The following ADARB2 variants were observed in gnomAD, a reference collection of about 807,000 sequenced individuals.
ADARB2 encodes inactive double-stranded RNA-specific editase B2.
In ADARB2, 25 loss-of-function variants were observed where a neutral mutation model predicts 62.2. The observed-to-expected ratio is 0.40, with a 90% CI of 0.29 to 0.56. ADARB2 has a LOEUF of 0.56. Ranked by LOEUF, ADARB2 falls within the 20% of genes least tolerant of loss-of-function variation. The pLI is 0.43. For missense variants in ADARB2, 1,071 were observed against 1,077.4 expected, an observed-to-expected ratio of 0.99 and a Z score of 0.08; for synonymous variants, 572 against 500.8, an observed-to-expected ratio of 1.14 and a Z score of -1.90.
intron 4 of ADARB2, among the ~76,000 whole-genome samples, chr10:1,267,776 C>G (rs1243817497): frequency 6.6e-6 from 1 of 152,212 alleles, no homozygotes; most frequent in East Asian, 1.9e-4. Flanking sequence ...GCCAGGCAGC[C>G]AGGCTCCCTT....
At position 1,233,810 on chromosome 10, in the gene ADARB2, A is replaced by G. The variant is rs199540152; in HGVS notation, c.1397T>C (p.Val466Ala). 93 of 1,613,956 alleles carry G rather than the reference A, an allele frequency of 5.8e-5. No homozygotes were observed. In the East Asian group the frequency reaches 1.5e-3, roughly 26 times the overall value. Residue 466 changes from valine to alanine, a missense_variant, in exon 6 of 10, where the codon GTG becomes GCG. Coordinates refer to ENST00000381312, the MANE Select transcript of ADARB2 (RefSeq NM_018702.4). ...RREDSERSIF[V>A]RLKEGGYRLR... is the part of the protein sequence containing the mutation. Reference sequence around the variant, plus strand: ...CCGGTAGCCACCTTCTTTTAACCGCACGAATATCGATCGCTCTGAGTCCTC... The same window carrying G: ...CCGGTAGCCACCTTCTTTTAACCGCGCGAATATCGATCGCTCTGAGTCCTC...
intron 1 of ADARB2, among the ~76,000 whole-genome samples, chr10:1,653,577 A>G (rs10794783): frequency 0.91 from 131,489 of 144,412 alleles, 59,701 homozygotes; most frequent in Non-Finnish European, 0.95. Context: ...CCCACGCCTC[A>G]TGTGCCTGCA....
chr10:1,595,353 C>T (rs893296680), intron 1 of ADARB2, among the ~76,000 whole-genome samples: 1 of 152,172 alleles, frequency 6.6e-6, no homozygotes, highest in African/African-American at 2.4e-5. Flanking sequence ...ACCAGAAAGA[C>T]CAACTGAGCA....
At chr10:1,703,132 A>G (rs1834844200) in intron 1 of ADARB2, among the ~76,000 whole-genome samples, 1 of 152,194 alleles carries the variant, frequency 6.6e-6, no homozygotes, top group Admixed American at 6.5e-5. Flanking sequence ...GTGCTACACC[A>G]GGGGCTCATC....
intron 1 of ADARB2, among the ~76,000 whole-genome samples, chr10:1,703,316 T>G (rs529438070): frequency 2.0e-4 from 30 of 152,246 alleles, no homozygotes; most frequent in African/African-American, 7.0e-4. Flanking sequence ...TTTAGCGTAC[T>G]TCTAAGGGAA....
At chr10:1,499,119 A>T (rs556292201) in intron 1 of ADARB2, among the ~76,000 whole-genome samples, 5 of 151,676 alleles carry the variant, frequency 3.3e-5, no homozygotes, top group Non-Finnish European at 7.4e-5. Context: ...ATCCCTCAAC[A>T]CTTATTCATC....
chr10:1,530,489 G>A lies in ADARB2; in HGVS notation c.101-151329C>T, dbSNP rs564092966. Among the ~76,000 whole-genome samples, 6 of 152,330 alleles carry A rather than the reference G, an allele frequency of 3.9e-5. No individual in the cohort carries two copies. The East Asian group carries it at 1.2e-3, about 29-fold the overall frequency. On this transcript the variant is annotated intron_variant, in intron 1 of 9. Coordinates refer to ENST00000381312, the MANE Select transcript of ADARB2 (RefSeq NM_018702.4). ...TGAATTCTCTCTCTGCACGGCCACT[G>A]CTTCAGCCAGGGTCACGTGGCCTCT...
rs146418685 is a variant in ADARB2, at chr10:1,359,318, G to A, written c.1077+3710C>T. ...TGTAAACCCTACATGTTTAGGTCTG[G>A]TGTGAGTTCTAAGGAATCTGATAAA... On this transcript the variant is annotated intron_variant, in intron 3 of 9. Transcript: ENST00000381312. 5.7e-3 allele frequency among the ~76,000 whole-genome samples: 869 copies of A among 152,250 alleles called. 10 individuals are homozygous for A. Among genetic ancestry groups the A allele is most frequent in the African/African-American group, 0.019 (804 of 41,556 alleles).
At chr10:1,262,987 T>G (rs1190742161) in intron 4 of ADARB2, among the ~76,000 whole-genome samples, 1 of 151,744 alleles carries the variant, frequency 6.6e-6, no homozygotes, top group African/African-American at 2.4e-5. Flanking sequence ...TGTAGGGACA[T>G]GGATGAAACT....
intron 1 of ADARB2, among the ~76,000 whole-genome samples, chr10:1,533,173 C>T (rs1309446340): frequency 6.6e-6 from 1 of 150,840 alleles, no homozygotes; most frequent in Non-Finnish European, 1.5e-5. Flanking sequence ...GGCTGGAGTG[C>T]AGTGGGGTGA....
intron 1 of ADARB2, among the ~76,000 whole-genome samples, chr10:1,594,601 C>A (rs777975270): frequency 1.3e-5 from 2 of 152,218 alleles, no homozygotes; most frequent in Non-Finnish European, 2.9e-5. Flanking sequence ...CACAGGGCCT[C>A]AGACAGACCC....
intron 1 of ADARB2, among the ~76,000 whole-genome samples, chr10:1,392,756 C>T (rs142875907): frequency 6.6e-6 from 1 of 152,120 alleles, no homozygotes; most frequent in Non-Finnish European, 1.5e-5. Context: ...TGTTTCCTGG[C>T]AATTTCAGAG....
chr10:1,538,703 C>T (rs1334581756), intron 1 of ADARB2, among the ~76,000 whole-genome samples: 1 of 152,176 alleles, frequency 6.6e-6, no homozygotes, highest in Non-Finnish European at 1.5e-5. Flanking sequence ...CCGAGGGGCT[C>T]GAGGTCCTTT....
intron 1 of ADARB2, among the ~76,000 whole-genome samples, chr10:1,640,692 G>T (rs4880894): frequency 0.2 from 31,120 of 152,032 alleles, 3,467 homozygotes; most frequent in Admixed American, 0.26. Context: ...ACACATAAAT[G>T]TCTATACACT....
intron 3 of ADARB2, among the ~76,000 whole-genome samples, chr10:1,334,289 C>T (rs529295539): frequency 2.6e-5 from 4 of 152,238 alleles, no homozygotes; most frequent in African/African-American, 2.4e-5. Flanking sequence ...GGCTTTTGGT[C>T]GAATACATTT....
Position 1,624,618 on chromosome 10 carries a change from G to A in ADARB2, c.100+112433C>T, listed in dbSNP as rs535004353. The stretch of plus-strand genomic sequence containing the variant: ...TCCCACCTCTGAAAATAACATTGAT[G>A]GATATGTTTTTAAGAGACTGACACA... On this transcript the variant is annotated intron_variant, in intron 1 of 9. Coordinates refer to ENST00000381312, the MANE Select transcript of ADARB2 (RefSeq NM_018702.4). 3.9e-5 allele frequency among the ~76,000 whole-genome samples: 6 copies of A among 152,164 alleles called. No individual in the cohort carries two copies. In the East Asian group the frequency reaches 9.7e-4, roughly 24 times the overall value.
intron 1 of ADARB2, among the ~76,000 whole-genome samples, chr10:1,714,242 C>T (rs186060348): frequency 5.6e-4 from 85 of 152,300 alleles, no homozygotes; most frequent in African/African-American, 2.0e-3. Flanking sequence ...AGATTGCGTT[C>T]GCAGCTGTCA....
intron 7 of ADARB2, chr10:1,200,436 A>T (rs1452139971): frequency 2.1e-5 from 10 of 469,716 alleles, no homozygotes; most frequent in Middle Eastern, 2.9e-4. Context: ...GGGACTTAGA[A>T]TTAGATTTTT....
chr10:1,266,313 G>A (rs1831200123), intron 4 of ADARB2, among the ~76,000 whole-genome samples: 1 of 152,228 alleles, frequency 6.6e-6, no homozygotes, highest in Non-Finnish European at 1.5e-5. Context: ...TGTGCTCCTG[G>A]CATAGGGCTC....
Sources: allele counts gnomAD v4.1 joint callset (sites outside exome capture counted in the v4.1 genomes callset), GRCh38; gene constraint gnomAD v4.1.1; transcripts MANE v1.5; gene names NCBI Gene and HGNC (gene_info 2026-07-23, HGNC 2026-07-21).